Variants in ITGB3BP observed in about 807,000 individuals in gnomAD.
ITGB3BP encodes the protein integrin subunit beta 3 binding protein.
ITGB3BP carries 27 observed loss-of-function variants against 29.1 expected under a neutral mutation model. The ratio of observed to expected loss-of-function variants is 0.93; its 90% CI spans 0.68 to 1.28. The LOEUF (loss-of-function observed/expected upper bound fraction) is 1.28. Among genes scored for constraint, ITGB3BP ranks in the 50% most tolerant of loss-of-function variants. The pLI, the probability that ITGB3BP is intolerant of heterozygous loss-of-function variation, is 0.00. For missense variants in ITGB3BP, 192 were observed against 200.2 expected, an observed-to-expected ratio of 0.96 and a Z score of 0.25; for synonymous variants, 61 against 61.4, an observed-to-expected ratio of 0.99 and a Z score of 0.03.
In ITGB3BP at chr1:63,478,979, T is replaced by C. The variant is rs140336860; in HGVS notation, c.185-146A>G. 4.7e-3 allele frequency: 1,769 copies of C among 375,526 alleles called. 26 individuals are homozygous for C. Among genetic ancestry groups the C allele is most frequent in the African/African-American group, 0.033 (1,558 of 47,716 alleles). 23.3% of individuals were successfully genotyped at this position (375,526 alleles called of 1,614,324 possible). A position where few individuals can be genotyped will look rare whatever the true frequency, so the allele number is the denominator to read the frequency against. The stretch of plus-strand genomic sequence containing the variant: ...GCAAAGAAAAAGTATCCTATTTTGT[T>C]TTTTTTCATTTCCCATTTTCCTAAT... On this transcript the variant is annotated intron_variant, in intron 3 of 8. Coordinates refer to ENST00000271002, the MANE Select transcript of ITGB3BP (RefSeq NM_014288.5).
At chr1:63,498,445 ACAT>A (rs961441543) in intron 2 of ITGB3BP, among the ~76,000 whole-genome samples, 2 of 152,122 alleles carry the variant, frequency 1.3e-5, no homozygotes, top group African/African-American at 4.8e-5. Context: ...AAATCAAACA[ACAT>A]ACTGCTAAAT....
chr1:63,491,106 A>G (rs530932473), intron 2 of ITGB3BP, among the ~76,000 whole-genome samples: 96 of 152,078 alleles, frequency 6.3e-4, no homozygotes, highest in African/African-American at 2.0e-3. Flanking sequence ...CCTCTTTTTT[A>G]TCTTCCCCAA....
At chr1:63,490,949 A>C (rs1029606637) in intron 2 of ITGB3BP, among the ~76,000 whole-genome samples, 1 of 152,230 alleles carries the variant, frequency 6.6e-6, no homozygotes, top group Admixed American at 6.5e-5. Flanking sequence ...ACAGTCCAGT[A>C]AATTTGGCCA....
At chr1:63,473,074 G>A (rs1435791951) in intron 4 of ITGB3BP, among the ~76,000 whole-genome samples, 3 of 151,726 alleles carry the variant, frequency 2.0e-5, no homozygotes, top group African/African-American at 4.8e-5. Flanking sequence ...AGTGAGGAGC[G>A]TCTCTGCCCG....
At chr1:63,523,509 G>T, upstream of ITGB3BP, 1 of 298,032 alleles carries the variant, frequency 3.4e-6, no homozygotes, top group East Asian at 7.5e-5. Context: ...TCTTATTTCC[G>T]GTGGCGGTGA....
chr1:63,444,153 G>A (rs1206612669), intron 8 of ITGB3BP, among the ~76,000 whole-genome samples: 1 of 152,030 alleles, frequency 6.6e-6, no homozygotes, highest in Non-Finnish European at 1.5e-5. Flanking sequence ...TTTCTTGAAA[G>A]TATTACTCAA....
chr1:63,469,822 CGT>C (rs1645164912), intron 4 of ITGB3BP, among the ~76,000 whole-genome samples: 1 of 152,208 alleles, frequency 6.6e-6, no homozygotes, highest in African/African-American at 2.4e-5. Flanking sequence ...AAAATCTGGC[CGT>C]AAACTGGCCC....
At chr1:63,495,392 A>T (rs1209078695) in intron 2 of ITGB3BP, among the ~76,000 whole-genome samples, 2 of 152,228 alleles carry the variant, frequency 1.3e-5, no homozygotes, top group Non-Finnish European at 2.9e-5. Flanking sequence ...TGAAGTCTTT[A>T]AACAATTACA....
At chr1:63,501,244 C>T (rs549112450) in intron 2 of ITGB3BP, among the ~76,000 whole-genome samples, 1 of 152,158 alleles carries the variant, frequency 6.6e-6, no homozygotes, top group South Asian at 2.1e-4. Context: ...CTCTTAGAAA[C>T]GTAGATAAAA....
chr1:63,500,332 C>T (rs12728096), intron 2 of ITGB3BP, among the ~76,000 whole-genome samples: 29,777 of 151,890 alleles, frequency 0.2, 3,219 homozygotes, highest in African/African-American at 0.29. Flanking sequence ...GAGCTGGGAT[C>T]GCGCCATTGC....
intron 4 of ITGB3BP, among the ~76,000 whole-genome samples, chr1:63,459,395 T>C (rs1644981112): frequency 6.6e-6 from 1 of 152,202 alleles, no homozygotes. Context: ...ATCTCAAGAC[T>C]TGTGCATTAA....
At chr1:63,513,681 A>G (rs937564876) in intron 1 of ITGB3BP, among the ~76,000 whole-genome samples, 2 of 152,162 alleles carry the variant, frequency 1.3e-5, no homozygotes, top group Admixed American at 1.3e-4. Context: ...TATTTTTAAA[A>G]ACTATGATTT....
intron 2 of ITGB3BP, among the ~76,000 whole-genome samples, chr1:63,528,894 G>A (rs1194115336): frequency 2.0e-5 from 3 of 151,964 alleles, no homozygotes; most frequent in Admixed American, 2.0e-4. Flanking sequence ...ATTATTAGTA[G>A]CAGTAGTGTA....
At chr1:63,471,046 T>C (rs1406381912) in intron 4 of ITGB3BP, among the ~76,000 whole-genome samples, 1 of 152,232 alleles carries the variant, frequency 6.6e-6, no homozygotes, top group African/African-American at 2.4e-5. Context: ...ATATGTTTGC[T>C]GGTTTACATG....
intron 4 of ITGB3BP, among the ~76,000 whole-genome samples, chr1:63,473,871 G>T (rs1321207641): frequency 4.4e-4 from 20 of 45,916 alleles, no homozygotes; most frequent in African/African-American, 1.7e-3. Context: ...GCCCCTACTG[G>T]GAAGTGAGGA....
chr1:63,522,825 C>T, intron 1 of ITGB3BP: 1 of 512,610 alleles, frequency 2.0e-6, no homozygotes, highest in Non-Finnish European at 3.7e-6. Context: ...TCTACTCTGT[C>T]CCATCCTGTG....
intron 2 of ITGB3BP, among the ~76,000 whole-genome samples, chr1:63,503,687 T>G (rs1045399562): frequency 5.7e-4 from 86 of 152,168 alleles, no homozygotes; most frequent in African/African-American, 1.9e-3. Flanking sequence ...ATTAATTTTT[T>G]TATAAGGTGT....
intron 3 of ITGB3BP, among the ~76,000 whole-genome samples, chr1:63,481,125 C>CA (rs929002765): frequency 2.0e-5 from 3 of 151,910 alleles, no homozygotes; most frequent in Admixed American, 1.3e-4. Context: ...GCACTAATAG[C>CA]AAAAAATGTT....
At chr1:63,525,595 A>G (rs1190291868), upstream of ITGB3BP, 1 of 1,570,596 alleles carries the variant, frequency 6.4e-7, no homozygotes, top group Non-Finnish European at 8.6e-7. Context: ...CCACGAAGCG[A>G]TGCAACTTTC....
Sources: allele counts gnomAD v4.1 joint callset (sites outside exome capture counted in the v4.1 genomes callset), GRCh38; gene constraint gnomAD v4.1.1; transcripts MANE v1.5; gene names NCBI Gene and HGNC (gene_info 2026-07-23, HGNC 2026-07-21).